PCGF3: variants seen among roughly 807,000 people sequenced by gnomAD.
The protein encoded by PCGF3 is polycomb group ring finger 3.
Under a neutral mutation model 33.1 loss-of-function variants are expected in PCGF3, and 7 were observed. The observed-to-expected ratio is 0.21, with a 90% CI of 0.12 to 0.40. The LOEUF (loss-of-function observed/expected upper bound fraction) is 0.40, where lower values mean the gene tolerates loss of function less well. Ranked by LOEUF, PCGF3 falls within the 10% of genes least tolerant of loss-of-function variation. The pLI is 1.00. For synonymous variants in PCGF3, 153 were observed against 121.3 expected (o/e 1.26, Z -1.72); for missense variants, 211 against 313.3 (o/e 0.67, Z 2.46).
At chr4:764,869 G>A in intron 9 of PCGF3, 115 bp from the exon 10 acceptor site, 1 of 681,954 alleles carries the variant, frequency 1.5e-6, no homozygotes. Flanking sequence ...CCCATCTCTA[G>A]GCACGTTCTT....
chr4:742,551 C>T (rs1439763857), intron 6 of PCGF3, among the ~76,000 whole-genome samples: 3 of 152,218 alleles, frequency 2.0e-5, no homozygotes, highest in Non-Finnish European at 4.4e-5. Context: ...GAGCAGTGAC[C>T]CACGTCGTCC....
At chr4:769,024 ATTG>A (rs752298191) in exon 11 of PCGF3, 3 of 152,562 alleles carry the variant, frequency 2.0e-5, no homozygotes, top group Non-Finnish European at 4.4e-5. Context: ...TTCGTTTTTC[ATTG>A]TTATTATTGT....
exon 11 of PCGF3, chr4:766,779 C>T (rs908229299): frequency 2.0e-5 from 3 of 152,246 alleles, no homozygotes; most frequent in African/African-American, 7.2e-5. Flanking sequence ...AAACGGGGCC[C>T]CAGACGCCAC....
At chr4:744,113 T>C (rs536253259) in intron 7 of PCGF3, among the ~76,000 whole-genome samples, 75 of 152,292 alleles carry the variant, frequency 4.9e-4, no homozygotes, top group Non-Finnish European at 1.9e-4. Flanking sequence ...CCCACGGCTT[T>C]GCGGGTCCCA....
rs1455155956 is a variant in PCGF3 at position 737,746 on chromosome 4, T to G, written c.262+225T>G. ...CCCTTATGTGTATTCATTCAGCAAG[T>G]ATGGATCGCATGTTTAGCACATGGG... On this transcript the variant is annotated intron_variant, in intron 6 of 10. Transcript: ENST00000362003. Among the ~76,000 whole-genome samples, 3 of 152,206 alleles carry G rather than the reference T, an allele frequency of 2.0e-5. No homozygotes were observed. In the East Asian group the frequency reaches 5.8e-4, roughly 29 times the overall value.
intron 1 of PCGF3, among the ~76,000 whole-genome samples, chr4:713,104 T>TGTTG: frequency 7.0e-6 from 1 of 142,080 alleles, no homozygotes; most frequent in African/African-American, 2.8e-5. Context: ...TCTTCGTGGG[T>TGTTG]CCTGTGTGGT....
At chr4:739,199 G>A (rs181862787) in intron 6 of PCGF3, among the ~76,000 whole-genome samples, 3 of 152,248 alleles carry the variant, frequency 2.0e-5, no homozygotes, top group East Asian at 3.9e-4. Flanking sequence ...CTTTTTGGTT[G>A]TTGTTTATTT....
intron 6 of PCGF3, among the ~76,000 whole-genome samples, chr4:738,532 AC>A (rs968780035): frequency 2.0e-5 from 3 of 147,712 alleles, no homozygotes; most frequent in African/African-American, 5.0e-5. Flanking sequence ...AAGTTTTGTG[AC>A]CCCCGCCAGT....
At chr4:762,714 G>A (rs116669798) in intron 9 of PCGF3, 1,889 of 152,426 alleles carry the variant, frequency 0.012, 13 homozygotes, top group Non-Finnish European at 0.021. Context: ...CAGCAGCACG[G>A]AATGGACTGT....
Position 740,870 on chromosome 4 carries a change from C to A in PCGF3, c.263-2604C>A, listed in dbSNP as rs545048162. Among the ~76,000 whole-genome samples the A allele has an allele frequency of 3.6e-4, 55 of 152,318 alleles. 1 individual carries two copies. In the South Asian group the frequency reaches 0.011, roughly 30 times the overall value. On this transcript the variant is annotated intron_variant, in intron 6 of 10. Coordinates refer to ENST00000362003, the Ensembl canonical transcript of PCGF3. ...TGAGTGTGTGCCAGGAGTGTGCTGC[C>A]TGCCTGCCGGTGGCTTTGGGCAGCC...
chr4:718,128 T>G (rs1355949020), intron 1 of PCGF3, among the ~76,000 whole-genome samples: 1 of 151,146 alleles, frequency 6.6e-6, no homozygotes, highest in African/African-American at 2.4e-5. Flanking sequence ...TCAGAGGAGG[T>G]CAGGGCAGGG....
exon 11 of PCGF3, chr4:768,252 C>G (rs1305786562): frequency 6.6e-6 from 1 of 152,640 alleles, no homozygotes; most frequent in South Asian, 2.1e-4. Context: ...AGGAGTTCAT[C>G]GTGCAGACAG....
At chr4:765,089 G>A in intron 10 of PCGF3, 25 bp downstream of exon 10, 1 of 1,531,718 alleles carries the variant, frequency 6.5e-7, no homozygotes. Context: ...TTGATTTTCA[G>A]AGTCTGCTCT....
At chr4:707,163 T>TG (rs1343052318) in intron 1 of PCGF3, among the ~76,000 whole-genome samples, 1 of 146,340 alleles carries the variant, frequency 6.8e-6, no homozygotes, top group African/African-American at 2.5e-5. Context: ...CGAGAAGGGC[T>TG]GGGACCCCAA....
At chr4:739,374 T>C (rs1287384263) in intron 6 of PCGF3, among the ~76,000 whole-genome samples, 1 of 152,136 alleles carries the variant, frequency 6.6e-6, no homozygotes, top group East Asian at 1.9e-4. Context: ...TAATTTTTTG[T>C]AGGGATAGGG....
In PCGF3 at chr4:766,096, C is replaced by T. The variant is rs573528597; in HGVS notation, c.*17C>T. On this transcript the variant is annotated 3_prime_UTR_variant, in exon 11 of 11. Transcript: ENST00000362003. ...TTGCTGTGAATGGTGCCACACAGCG[C>T]CCACAGACTGGGCCCTCGCACCCTT... 54 of 1,612,232 alleles carry T rather than the reference C, an allele frequency of 3.3e-5. No homozygotes were observed. The East Asian group carries it at 1.2e-3, about 35-fold the overall frequency.
chr4:722,739 C>G lies in PCGF3; in HGVS notation c.-189-7891C>G, dbSNP rs1204794405. 1.9e-5 allele frequency among the ~76,000 whole-genome samples: 2 copies of G among 103,696 alleles called. 1 individual carries two copies. Among genetic ancestry groups the G allele is most frequent in the African/African-American group, 8.7e-5 (2 of 22,966 alleles). 68.0% of individuals were successfully genotyped at this position (103,696 alleles called of 152,430 possible). A position where few individuals can be genotyped will look rare whatever the true frequency, so the allele number is the denominator to read the frequency against. Reference sequence around the variant, plus strand: ...ACACTCGCGTCATCGCCCACCCACGCCGGGTCCACACTCGCGACATCGCCA... The same window carrying G: ...ACACTCGCGTCATCGCCCACCCACGGCGGGTCCACACTCGCGACATCGCCA... On this transcript the variant is annotated intron_variant, in intron 1 of 10. Transcript: ENST00000362003.
chr4:730,269 T>C (rs974265059), intron 1 of PCGF3, among the ~76,000 whole-genome samples: 1 of 152,060 alleles, frequency 6.6e-6, no homozygotes, highest in Non-Finnish European at 1.5e-5. Flanking sequence ...AGGTCTTGCA[T>C]TTGCCCAGAT....
chr4:730,217 C>G (rs1013172329), intron 1 of PCGF3, among the ~76,000 whole-genome samples: 19 of 152,240 alleles, frequency 1.2e-4, no homozygotes, highest in African/African-American at 4.6e-4. Flanking sequence ...GCGGGCATCT[C>G]TTGGCTGCGT....
Sources: allele counts gnomAD v4.1 joint callset (sites outside exome capture counted in the v4.1 genomes callset), GRCh38; gene constraint gnomAD v4.1.1; transcripts MANE v1.5; gene names NCBI Gene and HGNC (gene_info 2026-07-23, HGNC 2026-07-21).